Variants in NRXN1 observed in about 807,000 individuals in gnomAD.
NRXN1 encodes neurexin-1.
A neutral mutation model predicts 150.9 loss-of-function variants in NRXN1; 39 were observed. The observed-to-expected ratio is 0.26, with a 90% CI of 0.20 to 0.34. NRXN1 has a LOEUF of 0.34. NRXN1 is among the 10% of genes least tolerant of loss of function. The pLI is 1.00. For missense variants in NRXN1, 1,815 were observed against 1,949.9 expected, an observed-to-expected ratio of 0.93 and a Z score of 1.30; for synonymous variants, 924 against 757.0, an observed-to-expected ratio of 1.22 and a Z score of -3.62.
At chr2:49,962,026 T>G (rs1676052568) in intron 21 of NRXN1, among the ~76,000 whole-genome samples, 1 of 152,040 alleles carries the variant, frequency 6.6e-6, no homozygotes, top group South Asian at 2.1e-4. Context: ...GAGGGTCACT[T>G]GAGTCCAGCC....
chr2:50,027,701 G>A (rs938935522), intron 21 of NRXN1, among the ~76,000 whole-genome samples: 1 of 152,172 alleles, frequency 6.6e-6, no homozygotes, highest in African/African-American at 2.4e-5. Context: ...CAAAGAGTGG[G>A]AATATAGATG....
At chr2:49,925,520 A>T (rs1288185955) in intron 22 of NRXN1, among the ~76,000 whole-genome samples, 1 of 152,058 alleles carries the variant, frequency 6.6e-6, no homozygotes, top group Non-Finnish European at 1.5e-5. Context: ...TTTTTATATA[A>T]TTTGTTCAAA....
chr2:49,925,006 T>C (rs781182686), intron 22 of NRXN1, among the ~76,000 whole-genome samples: 2 of 152,108 alleles, frequency 1.3e-5, no homozygotes, highest in Admixed American at 1.3e-4. Context: ...AATATTTATG[T>C]GTTGGTCGGG....
At chr2:49,960,748 AACATCATTTTATC>A (rs1481091584) in intron 21 of NRXN1, among the ~76,000 whole-genome samples, 2 of 152,166 alleles carry the variant, frequency 1.3e-5, no homozygotes, top group African/African-American at 4.8e-5. Flanking sequence ...ACATGCAAAA[AACATCATTTTATC>A]ACATATTACT....
At chr2:50,056,214 T>C (rs1693588084) in intron 19 of NRXN1, among the ~76,000 whole-genome samples, 1 of 152,162 alleles carries the variant, frequency 6.6e-6, no homozygotes, top group South Asian at 2.1e-4. Context: ...TTAGAGAAGA[T>C]AAATGAATAG....
Position 50,289,718 on chromosome 2 carries a change from A to G in NRXN1, c.3365-52748T>C, listed in dbSNP as rs555520223. On this transcript the variant is annotated intron_variant, in intron 17 of 22. Coordinates refer to ENST00000401669, the MANE Select transcript of NRXN1 (RefSeq NM_001330078.2). ...ATATGCATCACAAACATATTTATAT[A>G]ATTTATAAATAGATTTGTGTATAAT... Among the ~76,000 whole-genome samples the G allele has an allele frequency of 2.7e-4, 41 of 152,258 alleles. No individual in the cohort carries two copies. The South Asian group carries it at 8.5e-3, about 32-fold the overall frequency.
At chr2:50,751,249 A>G (rs1700562324) in intron 5 of NRXN1, among the ~76,000 whole-genome samples, 1 of 152,066 alleles carries the variant, frequency 6.6e-6, no homozygotes, top group African/African-American at 2.4e-5. Flanking sequence ...AGCTTATTAC[A>G]TGAATATTTA....
At chr2:50,843,276 G>A (rs1673140614) in intron 5 of NRXN1, among the ~76,000 whole-genome samples, 2 of 152,058 alleles carry the variant, frequency 1.3e-5, no homozygotes, top group South Asian at 4.1e-4. Context: ...TTCCTCCAAT[G>A]GAGACTTTGC....
At chr2:50,002,595 G>C (rs770028682) in intron 21 of NRXN1, among the ~76,000 whole-genome samples, 3 of 152,046 alleles carry the variant, frequency 2.0e-5, no homozygotes, top group Non-Finnish European at 4.4e-5. Context: ...CAAAATATTT[G>C]TCTTTTAACG....
At chr2:50,835,125 C>T (rs1314080880) in intron 5 of NRXN1, among the ~76,000 whole-genome samples, 5 of 152,172 alleles carry the variant, frequency 3.3e-5, no homozygotes, top group African/African-American at 9.7e-5. Flanking sequence ...GGGATGTCTT[C>T]TACCTCGTAG....
chr2:50,531,531 A>T, intron 10 of NRXN1, 101 bp from the exon 11 acceptor site: 1 of 842,576 alleles, frequency 1.2e-6, no homozygotes, highest in South Asian at 1.7e-5. Context: ...TAAGACTTCC[A>T]GAACACAATA....
chr2:50,033,945 C>T (rs890929711), intron 21 of NRXN1, among the ~76,000 whole-genome samples: 19 of 149,288 alleles, frequency 1.3e-4, no homozygotes, highest in African/African-American at 1.7e-4. Context: ...TCACACCAGC[C>T]AGAATGGCTA....
At chr2:50,870,615 A>C (rs963633001) in intron 5 of NRXN1, among the ~76,000 whole-genome samples, 4 of 151,772 alleles carry the variant, frequency 2.6e-5, no homozygotes, top group African/African-American at 7.3e-5. Context: ...CTATCACCAC[A>C]CTTTTGAGCT....
intron 21 of NRXN1, among the ~76,000 whole-genome samples, chr2:49,977,152 C>G (rs1351733703): frequency 6.6e-6 from 1 of 151,546 alleles, no homozygotes; most frequent in African/African-American, 2.4e-5. Flanking sequence ...TTAAGAGATA[C>G]AAACCTAAAA....
intron 17 of NRXN1, among the ~76,000 whole-genome samples, chr2:50,396,457 G>C (rs78976252): frequency 0.038 from 5,847 of 152,212 alleles, 180 homozygotes; most frequent in Non-Finnish European, 0.057. Flanking sequence ...CTGCTACAAA[G>C]CAAATATATA....
At chr2:50,458,289 T>C (rs1279062155) in intron 17 of NRXN1, among the ~76,000 whole-genome samples, 1 of 151,656 alleles carries the variant, frequency 6.6e-6, no homozygotes, top group Non-Finnish European at 1.5e-5. Flanking sequence ...CCATAAAGGG[T>C]AGAAAGGTGG....
chr2:50,360,848 A>C (rs1415964024), intron 17 of NRXN1, among the ~76,000 whole-genome samples: 1 of 152,218 alleles, frequency 6.6e-6, no homozygotes, highest in Non-Finnish European at 1.5e-5. Flanking sequence ...TCTAAAATTT[A>C]CCACATAATT....
At chr2:50,084,133 G>T (rs1409597739) in intron 19 of NRXN1, among the ~76,000 whole-genome samples, 1 of 152,278 alleles carries the variant, frequency 6.6e-6, no homozygotes, top group Admixed American at 6.5e-5. Context: ...AGACATAAAG[G>T]TTCTCCAAGT....
chr2:50,594,019 T>C (rs994950795), intron 8 of NRXN1, among the ~76,000 whole-genome samples: 3 of 152,216 alleles, frequency 2.0e-5, no homozygotes, highest in African/African-American at 7.2e-5. Context: ...TTGATTTTGC[T>C]TGGCACTTCT....
Sources: gnomAD v4.1 joint callset for allele counts (sites outside exome capture counted in the v4.1 genomes callset) on GRCh38, gnomAD v4.1.1 for gene constraint, MANE v1.5 for transcripts, NCBI Gene and HGNC (gene_info 2026-07-23, HGNC 2026-07-21) for gene names.